UBXN10: variants seen among roughly 807,000 people sequenced by gnomAD.
UBXN10 encodes the protein UBX domain protein 10.
UBXN10 carries 6 observed loss-of-function variants against 6.9 expected under a neutral mutation model. The ratio of observed to expected loss-of-function variants is 0.87; its 90% CI spans 0.48 to 1.72. The LOEUF (loss-of-function observed/expected upper bound fraction) is 1.72. UBXN10 is among the 40% of genes most tolerant of loss of function. UBXN10 has a pLI of 0.01. For missense variants in UBXN10, 317 were observed against 348.4 expected (o/e 0.91, Z 0.72); for synonymous variants, 131 against 135.2 (o/e 0.97, Z 0.21).
chr1:20,189,931 C>T (rs924022108), intron 1 of UBXN10, among the ~76,000 whole-genome samples: 4 of 152,180 alleles, frequency 2.6e-5, no homozygotes, highest in Non-Finnish European at 5.9e-5. Flanking sequence ...CTTTCTGGCT[C>T]ATACATCTGT....
At chr1:20,184,197 GCA>G (rs5772887), upstream of UBXN10, 3,362 of 149,570 alleles carry the variant, frequency 0.022, 34 homozygotes, top group Admixed American at 0.035. Context: ...GTGCGCACAC[GCA>G]CACACACACA....
chr1:20,186,122 G>A lies in UBXN10; in HGVS notation c.-47G>A, dbSNP rs1233188638. ...TTGTTTACCAGCAGGACAGAGCCCG[G>A]GCGCAGGCGGCGGATGGAGCGGAAC... On this transcript the variant is annotated 5_prime_UTR_variant, in exon 1 of 2. Transcript: ENST00000375099. 1 of 152,532 alleles carries A rather than the reference G, an allele frequency of 6.6e-6. No homozygotes were observed. The highest frequency in any genetic ancestry group is 1.5e-5 in the Non-Finnish European group (1 of 68,336). The allele number at this position is 152,532 out of a possible 1,614,324, so 9.4% of individuals were successfully genotyped here. A position where few individuals can be genotyped will look rare whatever the true frequency, so the allele number is the denominator to read the frequency against.
At position 20,193,306 on chromosome 1, in the gene UBXN10, C is replaced by T. The variant is rs1441309656; in HGVS notation, c.*1902C>T. The T allele has an allele frequency of 6.0e-6, 1 of 167,086 alleles. No homozygotes were observed. Among genetic ancestry groups the T allele is most frequent in the East Asian group, 1.9e-4 (1 of 5,196 alleles). The allele number at this position is 167,086 out of a possible 1,614,324, so 10.4% of individuals were successfully genotyped here. A position where few individuals can be genotyped will look rare whatever the true frequency, so the allele number is the denominator to read the frequency against. ...GAAAACTTGAGTGAAATGGAGCAAG[C>T]TTGAAGGAGTTAGAATCTTCTGTGC... On this transcript the variant is annotated 3_prime_UTR_variant, in exon 2 of 2. Coordinates refer to ENST00000375099, the MANE Select transcript of UBXN10 (RefSeq NM_152376.5).
At position 20,193,526 on chromosome 1, in the gene UBXN10, A is replaced by G. The variant is rs1207082770; in HGVS notation, c.*2122A>G. 1 of 167,106 alleles carries G rather than the reference A, an allele frequency of 6.0e-6. No individual in the cohort carries two copies. Among genetic ancestry groups the G allele is most frequent in the Non-Finnish European group, 1.5e-5 (1 of 68,128 alleles). 10.4% of individuals were successfully genotyped at this position (167,106 alleles called of 1,614,324 possible). A position where few individuals can be genotyped will look rare whatever the true frequency, so the allele number is the denominator to read the frequency against. ...TTGTGTGAAACTGAGTCAGTGGAGAAGTGCATCTCGTATTTTAACCTAAGG... is the reference window on the plus strand; with the variant it reads ...TTGTGTGAAACTGAGTCAGTGGAGAGGTGCATCTCGTATTTTAACCTAAGG... On this transcript the variant is annotated 3_prime_UTR_variant, in exon 2 of 2. Transcript: ENST00000375099.
At chr1:20,188,492 G>T (rs1252282833) in intron 1 of UBXN10, among the ~76,000 whole-genome samples, 3 of 152,204 alleles carry the variant, frequency 2.0e-5, no homozygotes, top group African/African-American at 7.2e-5. Context: ...GGCAGCAGTG[G>T]TTACATGTGC....
rs1211698328 is a variant in UBXN10 at position 20,195,547 on chromosome 1, G to C, written c.*4143G>C. ...GAGAAAAAAAAGGATAGTTTGACAA[G>C]TTGGGATTCACCCAGGTGGACTTAG... On this transcript the variant is annotated 3_prime_UTR_variant, in exon 2 of 2. Coordinates refer to ENST00000375099, the MANE Select transcript of UBXN10 (RefSeq NM_152376.5). 6.0e-6 allele frequency: 1 copy of C among 167,136 alleles called. No individual in the cohort carries two copies. Among genetic ancestry groups the C allele is most frequent in the East Asian group, 1.9e-4 (1 of 5,202 alleles). 10.4% of individuals were successfully genotyped at this position (167,136 alleles called of 1,614,324 possible). A position where few individuals can be genotyped will look rare whatever the true frequency, so the allele number is the denominator to read the frequency against.
chr1:20,191,710 A>G lies in UBXN10; in HGVS notation c.*306A>G, dbSNP rs1265028768. 3.0e-6 allele frequency: 1 copy of G among 328,664 alleles called. No homozygotes were observed. Among genetic ancestry groups the G allele is most frequent in the African/African-American group, 2.1e-5 (1 of 47,406 alleles). The allele number at this position is 328,664 out of a possible 1,614,324, so 20.4% of individuals were successfully genotyped here. On this transcript the variant is annotated 3_prime_UTR_variant, in exon 2 of 2. Coordinates refer to ENST00000375099, the MANE Select transcript of UBXN10 (RefSeq NM_152376.5). This position sits in a 1 kb window ranked among gnomAD's most constrained non-coding sequence, Gnocchi z 4.5. ...TTTCCAGAGTTTTGGGTCCTTCTGA[A>G]TTAATGGTCCTTTTCGAACACCGGC...
Position 20,191,400 on chromosome 1 carries a change from C to T in UBXN10, c.839C>T (p.Pro280Leu), listed in dbSNP as rs1237234451. Residue 280 changes from proline to leucine, a missense_variant, in exon 2 of 2, where the codon CCC (proline) becomes CTC (leucine). Coordinates refer to ENST00000375099, the MANE Select transcript of UBXN10 (RefSeq NM_152376.5). This position sits in a 1 kb window ranked among gnomAD's most constrained non-coding sequence, Gnocchi z 4.5. ...GISLEDGEGWP is the reference protein window; with the variant it reads ...GISLEDGEGWL ...TCACTGGAAGATGGGGAAGGGTGGC[C>T]CTGAGTCCACAGCCACCCAGCTGAG... 9.3e-6 allele frequency: 15 copies of T among 1,607,476 alleles called. No homozygotes were observed. The highest frequency in any genetic ancestry group is 1.2e-5 in the Non-Finnish European group (14 of 1,175,122).
Position 20,190,862 on chromosome 1 carries a change from C to A in UBXN10, c.301C>A (p.Gln101Lys), listed in dbSNP as rs771020133. Residue 101 changes from glutamine to lysine, a missense_variant, in exon 2 of 2, where the codon CAG becomes AAG. By Grantham distance (53) the Gln-to-Lys change is moderately conservative. Coordinates refer to ENST00000375099, the MANE Select transcript of UBXN10 (RefSeq NM_152376.5). ...GASDEIPELQ[Q>K]QVPTGASSSL... is the part of the protein sequence containing the mutation. ...TTCTGATGAGATCCCTGAGCTGCAG[C>A]AGCAAGTACCCACTGGGGCTTCCTC... The A allele has an allele frequency of 2.5e-6, 4 of 1,614,054 alleles. No individual in the cohort carries two copies. The highest frequency in any genetic ancestry group is 3.4e-6 in the Non-Finnish European group (4 of 1,180,036).
chr1:20,187,845 G>C lies in UBXN10; in HGVS notation c.-16+1692G>C, dbSNP rs2018427046. 6.6e-6 allele frequency among the ~76,000 whole-genome samples: 1 copy of C among 152,228 alleles called. No homozygotes were observed. The highest frequency in any genetic ancestry group is 2.1e-4 in the South Asian group (1 of 4,832). ...TTAAAAATAATCCCACAGAGAGCCTGTGAGAACACATGACTCTCCTCATCA... is the reference window on the plus strand; with the variant it reads ...TTAAAAATAATCCCACAGAGAGCCTCTGAGAACACATGACTCTCCTCATCA... On this transcript the variant is annotated intron_variant, in intron 1 of 1. Transcript: ENST00000375099. The surrounding 1 kb of genome is among the most constrained non-coding windows in gnomAD (Gnocchi z 4.6).
chr1:20,190,419 C>T, intron 1 of UBXN10, 128 bp from the exon 2 acceptor site: 3 of 1,193,718 alleles, frequency 2.5e-6, no homozygotes, highest in Non-Finnish European at 3.5e-6. Flanking sequence ...GAATAAATTG[C>T]AGCTGGTGCC....
At chr1:20,184,476 G>A (rs964945231), upstream of UBXN10, 2 of 152,252 alleles carry the variant, frequency 1.3e-5, no homozygotes. Flanking sequence ...GATGACCAGA[G>A]TGTGTGAGGG....
rs373883508 is a variant in UBXN10, at chr1:20,191,421, C to G, written c.*17C>G. 1 of 1,598,974 alleles carries G rather than the reference C, an allele frequency of 6.3e-7. No homozygotes were observed. The highest frequency in any genetic ancestry group is 8.5e-7 in the Non-Finnish European group (1 of 1,170,498). ...TGGCCCTGAGTCCACAGCCACCCAG[C>G]TGAGGTCCTGGGTCTCTGAGCAAAG... On this transcript the variant is annotated 3_prime_UTR_variant, in exon 2 of 2. Coordinates refer to ENST00000375099, the MANE Select transcript of UBXN10 (RefSeq NM_152376.5). The surrounding 1 kb of genome is among the most constrained non-coding windows in gnomAD (Gnocchi z 4.5).
In UBXN10 at chr1:20,187,770, T is replaced by C. The variant is rs2100732500; in HGVS notation, c.-16+1617T>C. On this transcript the variant is annotated intron_variant, in intron 1 of 1. Transcript: ENST00000375099. The surrounding 1 kb of genome is among the most constrained non-coding windows in gnomAD (Gnocchi z 4.6). ...GACACCCCCTGAACATGGATAATTA[T>C]ATGGAACCAAAAGGTATAGAAAGTG... Among the ~76,000 whole-genome samples the C allele has an allele frequency of 6.6e-6, 1 of 152,328 alleles. No homozygotes were observed. The highest frequency in any genetic ancestry group is 1.9e-4 in the East Asian group (1 of 5,192).
rs377613281 is a variant in UBXN10 at position 20,190,554 on chromosome 1, G to A, written c.-8G>A. The A allele has an allele frequency of 4.4e-6, 7 of 1,607,906 alleles. No homozygotes were observed. In the African/African-American group the frequency reaches 8.0e-5, roughly 18 times the overall value. On this transcript the variant is annotated 5_prime_UTR_variant, in exon 2 of 2. Coordinates refer to ENST00000375099, the MANE Select transcript of UBXN10 (RefSeq NM_152376.5). The stretch of plus-strand genomic sequence containing the variant: ...TTTTTCCTGCTTCCTTAGGGGTCTT[G>A]AGAAGCAATGGCCACAGAAGCCCCT...
At chr1:20,184,880 G>A (rs1370955409), upstream of UBXN10, among the ~76,000 whole-genome samples, 1 of 152,162 alleles carries the variant, frequency 6.6e-6, no homozygotes, top group Non-Finnish European at 1.5e-5. Flanking sequence ...GAGGCTGGGC[G>A]AGGTGGCTCA....
chr1:20,191,398 G>C lies in UBXN10; in HGVS notation c.837G>C (p.Trp279Cys). 6.2e-7 allele frequency: 1 copy of C among 1,608,010 alleles called. No homozygotes were observed. The highest frequency in any genetic ancestry group is 1.1e-5 in the South Asian group (1 of 90,754). ...TCTCACTGGAAGATGGGGAAGGGTG[G>C]CCCTGAGTCCACAGCCACCCAGCTG... The part of the protein sequence containing the change: ...LGISLEDGEG[W>C]P Residue 279 changes from tryptophan (W) to cysteine (C), a missense_variant, in exon 2 of 2, where the codon TGG becomes TGC. Physicochemically the swap from Trp to Cys is radical, Grantham distance 215. Transcript: ENST00000375099. The surrounding 1 kb of genome is among the most constrained non-coding windows in gnomAD (Gnocchi z 4.5).
chr1:20,186,935 G>T lies in UBXN10; in HGVS notation c.-16+782G>T, dbSNP rs2018409809. 2.6e-5 allele frequency among the ~76,000 whole-genome samples: 4 copies of T among 152,176 alleles called. No individual in the cohort carries two copies. The South Asian group carries it at 8.3e-4, about 32-fold the overall frequency. ...GGGATGGCAACGGATAGGATTAACT[G>T]ATACAGTTTTAAAAGACCAATTCAA... On this transcript the variant is annotated intron_variant, in intron 1 of 1. Coordinates refer to ENST00000375099, the MANE Select transcript of UBXN10 (RefSeq NM_152376.5).
chr1:20,185,612 G>A (rs867834105), upstream of UBXN10, among the ~76,000 whole-genome samples: 22 of 152,272 alleles, frequency 1.4e-4, no homozygotes, highest in Admixed American at 2.0e-4. Context: ...GGGAACTGGC[G>A]CTGAAAGGGC....
Sources: gnomAD v4.1 joint callset for allele counts (sites outside exome capture counted in the v4.1 genomes callset) on GRCh38, gnomAD v4.1.1 for gene constraint, Gnocchi (gnomAD v3.1) non-coding constraint, MANE v1.5 for transcripts, NCBI Gene and HGNC (gene_info 2026-07-23, HGNC 2026-07-21) for gene names.